KDM2B: variants seen among roughly 807,000 people sequenced by gnomAD.
The protein encoded by KDM2B is lysine-specific demethylase 2B.
Under a neutral mutation model 150.0 loss-of-function variants are expected in KDM2B, and 26 were observed. The observed-to-expected ratio is 0.17, with a 90% CI of 0.13 to 0.24. The LOEUF is 0.24. Ranked by LOEUF, KDM2B falls within the 10% of genes least tolerant of loss-of-function variation. The pLI is 1.00. For synonymous variants in KDM2B, 734 were observed against 729.5 expected (o/e 1.01, Z -0.10); for missense variants, 1,265 against 1,816.9 (o/e 0.70, Z 5.52).
intron 6 of KDM2B, among the ~76,000 whole-genome samples, chr12:121,540,742 G>A (rs1055140717): frequency 3.8e-5 from 5 of 131,884 alleles, no homozygotes; most frequent in African/African-American, 1.5e-4. Flanking sequence ...GCAGCAGAGC[G>A]AGACTCTGTC....
In KDM2B at chr12:121,537,911, C is replaced by T. The variant is rs1888282935; in HGVS notation, c.684-3321G>A. On this transcript the variant is annotated intron_variant, in intron 6 of 22. Transcript: ENST00000377071. The surrounding 1 kb of genome is among the most constrained non-coding windows in gnomAD (Gnocchi z 8.7). ...GCCCGGGCAGCGCGGCCCGCGGTTA[C>T]CCTCGGCGGCGGCGGCGGCGGCTCC... Among the ~76,000 whole-genome samples the T allele has an allele frequency of 6.6e-6, 1 of 150,978 alleles. No homozygotes were observed. Among genetic ancestry groups the T allele is most frequent in the Non-Finnish European group, 1.5e-5 (1 of 67,656 alleles).
intron 12 of KDM2B, among the ~76,000 whole-genome samples, chr12:121,491,300 C>A (rs531156120): frequency 1.3e-5 from 2 of 152,266 alleles, no homozygotes; most frequent in South Asian, 4.1e-4. Context: ...CCCTCCATCT[C>A]CCAGCCTCAT....
intron 14 of KDM2B, 40 bp downstream of exon 14, chr12:121,445,235 C>T (rs1409161571): frequency 3.7e-6 from 6 of 1,601,112 alleles, no homozygotes; most frequent in Admixed American, 1.7e-5. Flanking sequence ...CCTACCTGCC[C>T]CAGAGCGTCA....
intron 12 of KDM2B, among the ~76,000 whole-genome samples, chr12:121,477,180 C>G (rs1475084787): frequency 6.6e-6 from 1 of 152,046 alleles, no homozygotes; most frequent in African/African-American, 2.4e-5. Flanking sequence ...CTCAAGCAAT[C>G]CCCCCATCTC....
At chr12:121,580,485 G>GCGC (rs1490093188) in intron 1 of KDM2B, 22 of 1,179,746 alleles carry the variant, frequency 1.9e-5, no homozygotes, top group African/African-American at 4.8e-5. Flanking sequence ...CTGCACGCAG[G>GCGC]CGCCGCCGCC....
At chr12:121,573,616 G>A (rs1407818866) in intron 4 of KDM2B, among the ~76,000 whole-genome samples, 2 of 141,510 alleles carry the variant, frequency 1.4e-5, no homozygotes, top group Non-Finnish European at 1.5e-5. Context: ...ACGGAGTCTC[G>A]CTCTGTCGCC....
Position 121,442,827 on chromosome 12 carries a change from A to T in KDM2B, c.2614T>A (p.Trp872Arg). ...GCCATGCGGTCCTCGGCGTTCTTCC[A>T]GGACCGCCGCTGAGGGCGAGAGCGG... ...DKLFRKKRRS[W>R]KNAEDRMALA... Residue 872 changes from tryptophan (W) to arginine (R), a missense_variant, in exon 19 of 23, where the codon TGG becomes AGG. This residue lies in a region of KDM2B where 418 missense variants were observed against 402.4 expected (regional missense o/e 1.04). Coordinates refer to ENST00000377071, the MANE Select transcript of KDM2B (RefSeq NM_032590.5). This position sits in a 1 kb window ranked among gnomAD's most constrained non-coding sequence, Gnocchi z 7.7. 1 of 1,520,746 alleles carries T rather than the reference A, an allele frequency of 6.6e-7. No homozygotes were observed. 94.2% of individuals were successfully genotyped at this position (1,520,746 alleles called of 1,614,324 possible). A position where few individuals can be genotyped will look rare whatever the true frequency, so the allele number is the denominator to read the frequency against.
At chr12:121,417,699 G>C in the KDM2B span, 1 of 1,614,246 alleles carries the variant, frequency 6.2e-7, no homozygotes, top group Non-Finnish European at 8.5e-7. The surrounding 1 kb of genome is among the most constrained non-coding windows in gnomAD (Gnocchi z 5.0). Flanking sequence ...TCGTGAGAAA[G>C]AAGACTTGGT....
chr12:121,569,393 A>T (rs935940725), intron 4 of KDM2B, among the ~76,000 whole-genome samples: 1 of 151,888 alleles, frequency 6.6e-6, no homozygotes. Flanking sequence ...CACCCTCCCT[A>T]CCCTCCCATG....
intron 4 of KDM2B, chr12:121,574,301 G>C: frequency 2.4e-6 from 1 of 422,584 alleles, no homozygotes; most frequent in Non-Finnish European, 4.3e-6. Flanking sequence ...ACCCAGGCTG[G>C]AGGCAGCGTC....
chr12:121,545,423 CT>C (rs200989469), intron 6 of KDM2B, among the ~76,000 whole-genome samples: 43 of 148,124 alleles, frequency 2.9e-4, no homozygotes, highest in African/African-American at 7.9e-4. Flanking sequence ...GTGAGCCTCA[CT>C]TTTTTTTTTG....
chr12:121,425,353 G>A (rs1872463815), downstream of KDM2B, among the ~76,000 whole-genome samples: 1 of 151,388 alleles, frequency 6.6e-6, no homozygotes, highest in Non-Finnish European at 1.5e-5. Flanking sequence ...ATGCAAAAAT[G>A]TTGTGAAATC....
chr12:121,509,458 T>C (rs1423154876), intron 11 of KDM2B, 109 bp downstream of exon 11: 4 of 1,509,270 alleles, frequency 2.7e-6, no homozygotes, highest in Non-Finnish European at 3.5e-6. Flanking sequence ...ACCCGAATGC[T>C]CAGAGCAATC....
chr12:121,458,513 G>A (rs1286204720), intron 12 of KDM2B, among the ~76,000 whole-genome samples: 1 of 151,366 alleles, frequency 6.6e-6, no homozygotes, highest in East Asian at 2.0e-4. Flanking sequence ...AAAAATAGGG[G>A]GATGGGGGGT....
At chr12:121,579,058 A>G in intron 1 of KDM2B, 112 bp from the exon 2 acceptor site, 1 of 1,167,066 alleles carries the variant, frequency 8.6e-7, no homozygotes, top group South Asian at 1.5e-5. Context: ...CCTGCACCCC[A>G]CCATTGCAAC....
At chr12:121,515,008 A>C (rs1180170421) in intron 9 of KDM2B, among the ~76,000 whole-genome samples, 1 of 154 alleles carries the variant, frequency 6.5e-3, no homozygotes, top group Non-Finnish European at 0.01. Context: ...CACACTCCCC[A>C]CCCCCAATCA....
At chr12:121,416,323 G>A in the KDM2B span, 3 of 1,614,004 alleles carry the variant, frequency 1.9e-6, no homozygotes, top group Non-Finnish European at 2.5e-6. Flanking sequence ...CTACGGAAGG[G>A]CCCAACATAG....
At chr12:121,560,348 G>C (rs965883803) in intron 4 of KDM2B, among the ~76,000 whole-genome samples, 4 of 152,158 alleles carry the variant, frequency 2.6e-5, no homozygotes, top group Non-Finnish European at 5.9e-5. Flanking sequence ...GTGTGTAAAG[G>C]CAGGAAGAAA....
intron 4 of KDM2B, among the ~76,000 whole-genome samples, chr12:121,564,081 C>T (rs537830177): frequency 6.6e-6 from 1 of 152,012 alleles, no homozygotes; most frequent in East Asian, 1.9e-4. Context: ...CACAACTGGA[C>T]TCCAGCCTCA....
Sources: gnomAD v4.1 joint callset for allele counts (sites outside exome capture counted in the v4.1 genomes callset) on GRCh38, gnomAD v4.1.1 for gene constraint, gnomAD v4.1.1 regional missense constraint, Gnocchi (gnomAD v3.1) non-coding constraint, MANE v1.5 for transcripts, NCBI Gene and HGNC (gene_info 2026-07-23, HGNC 2026-07-21) for gene names.